Variants in IL4R observed in about 807,000 individuals in gnomAD.
The protein encoded by IL4R is interleukin 4 receptor.
Under a neutral mutation model 41.5 loss-of-function variants are expected in IL4R, and 17 were observed. The observed-to-expected ratio is 0.41, with a 90% CI of 0.28 to 0.61. The LOEUF is 0.61. IL4R is among the 20% of genes least tolerant of loss of function. The pLI is 0.31. For synonymous variants in IL4R, 402 were observed against 422.9 expected, an observed-to-expected ratio of 0.95 and a Z score of 0.61; for missense variants, 974 against 1,043.1, an observed-to-expected ratio of 0.93 and a Z score of 0.91.
chr16:27,353,464 A>T (rs1038515332), intron 7 of IL4R, among the ~76,000 whole-genome samples: 1 of 152,168 alleles, frequency 6.6e-6, no homozygotes, highest in African/African-American at 2.4e-5. Flanking sequence ...ATCTATAAAT[A>T]ATAAGTTCTA....
rs2086430774 is a variant in IL4R at position 27,364,500 on chromosome 16, C to G, written c.*670C>G. ...GCAGGGACAATTTGCTGCCAAACAC[C>G]CATGCCCAGCTGTATGGCTGGGGGC... On this transcript the variant is annotated 3_prime_UTR_variant, in exon 11 of 11. Coordinates refer to ENST00000395762, the MANE Select transcript of IL4R (RefSeq NM_000418.4). The G allele has an allele frequency of 6.6e-6, 1 of 152,204 alleles. No individual in the cohort carries two copies. Among genetic ancestry groups the G allele is most frequent in the Admixed American group, 6.5e-5 (1 of 15,272 alleles). The allele number at this position is 152,204 out of a possible 1,614,324, so 9.4% of individuals were successfully genotyped here. A position where few individuals can be genotyped will look rare whatever the true frequency, so the allele number is the denominator to read the frequency against.
At chr16:27,320,617 G>C (rs996354026) in intron 1 of IL4R, among the ~76,000 whole-genome samples, 1 of 152,220 alleles carries the variant, frequency 6.6e-6, no homozygotes, top group African/African-American at 2.4e-5. Flanking sequence ...GAGCTATCCA[G>C]CCCAAAGAGG....
At chr16:27,316,385 A>G (rs1191602046) in intron 1 of IL4R, among the ~76,000 whole-genome samples, 2 of 152,218 alleles carry the variant, frequency 1.3e-5, no homozygotes, top group East Asian at 3.9e-4. Flanking sequence ...AAACAAATAC[A>G]TAAATACATG....
At position 27,363,006 on chromosome 16, in the gene IL4R, C is replaced by T; in HGVS notation, c.1654C>T (p.Gln552Ter). The T allele has an allele frequency of 6.2e-7, 1 of 1,614,142 alleles. No individual in the cohort carries two copies. Among genetic ancestry groups the T allele is most frequent in the Non-Finnish European group, 8.5e-7 (1 of 1,180,036 alleles). Residue 552 changes from glutamine (Q) to a stop codon, truncating the protein, a stop_gained, in exon 11 of 11, where the codon CAG (glutamine) becomes TAG (stop). Coordinates refer to ENST00000395762, the MANE Select transcript of IL4R (RefSeq NM_000418.4). LOFTEE classifies it low-confidence loss of function (END_TRUNC). Reference sequence around the variant, plus strand: ...CCAACCTGAGCCAGAAACCTGGGAGCAGATCCTCCGCCGAAATGTCCTCCA... The same window carrying T: ...CCAACCTGAGCCAGAAACCTGGGAGTAGATCCTCCGCCGAAATGTCCTCCA... ...VPQPEPETWE[Q>*]ILRRNVLQHG...
At chr16:27,323,666 T>C (rs2084875437) in intron 1 of IL4R, among the ~76,000 whole-genome samples, 1 of 152,162 alleles carries the variant, frequency 6.6e-6, no homozygotes, top group Non-Finnish European at 1.5e-5. Flanking sequence ...CTTCTTTTTT[T>C]TTTTTTAGAG....
intron 5 of IL4R, among the ~76,000 whole-genome samples, chr16:27,346,225 A>C (rs1036449114): frequency 6.6e-6 from 1 of 152,212 alleles, no homozygotes; most frequent in South Asian, 2.1e-4. Context: ...ACCCTGTCTC[A>C]AAAAAGAAGA....
In IL4R at chr16:27,362,301, A is replaced by G; in HGVS notation, c.949A>G (p.Asn317Asp). 1.2e-6 allele frequency: 2 copies of G among 1,614,182 alleles called. No homozygotes were observed. Among genetic ancestry groups the G allele is most frequent in the Non-Finnish European group, 1.7e-6 (2 of 1,180,004 alleles). The change falls in exon 11 of 11, where the codon AAC becomes GAC. Residue 317 changes from asparagine to aspartate, a missense_variant. Around this residue, in one of 3 missense-constraint regions of IL4R, gnomAD observed 682 missense variants for 704.3 expected, o/e 0.97. Coordinates refer to ENST00000395762, the MANE Select transcript of IL4R (RefSeq NM_000418.4). ...TKLLPCFLEH[N>D]MKRDEDPHKA... ...GCTCTTGCCCTGTTTTCTGGAGCAC[A>G]ACATGAAAAGGGATGAAGATCCTCA...
Position 27,346,561 on chromosome 16 carries a change from C to T in IL4R, c.456C>T (p.Tyr152=). ...GCAACCCGTATCCCCCTGACAATTA[C>T]CTGTATAATCATCTCACCTATGCAG... is the stretch of plus-strand genomic sequence containing the variant. ...TWSNPYPPDN[Y]LYNHLTYAVN... is the part of the protein sequence containing the mutation. Residue 152 remains tyrosine (Y), a synonymous_variant, in exon 6 of 11, where the codon TAC becomes TAT. Coordinates refer to ENST00000395762, the MANE Select transcript of IL4R (RefSeq NM_000418.4). 1.9e-6 allele frequency: 3 copies of T among 1,614,162 alleles called. No individual in the cohort carries two copies. Among genetic ancestry groups the T allele is most frequent in the Non-Finnish European group, 2.5e-6 (3 of 1,179,996 alleles).
intron 3 of IL4R, among the ~76,000 whole-genome samples, chr16:27,340,677 G>C (rs866241982): frequency 6.6e-6 from 1 of 152,114 alleles, no homozygotes; most frequent in Non-Finnish European, 1.5e-5. Flanking sequence ...AACTGTGATC[G>C]CGCCACTCCA....
rs17548704 is a variant in IL4R at position 27,342,158 on chromosome 16, C to T, written c.108C>T (p.Ser36=). 20,593 of 1,614,190 alleles carry T rather than the reference C, an allele frequency of 0.013. 167 individuals carry two copies. Among genetic ancestry groups the T allele is most frequent in the Non-Finnish European group, 0.015 (17,277 of 1,180,016 alleles). Residue 36 remains serine, a synonymous_variant, in exon 4 of 11, where the codon TCC becomes TCT. Coordinates refer to ENST00000395762, the MANE Select transcript of IL4R (RefSeq NM_000418.4). The part of the protein sequence containing the change: ...MKVLQEPTCV[S]DYMSISTCEW... ...TCTTGCAGGAGCCCACCTGCGTCTC[C>T]GACTACATGAGCATCTCTACTTGCG...
chr16:27,344,365 A>G (rs1267524674), intron 4 of IL4R, among the ~76,000 whole-genome samples: 1 of 53,772 alleles, frequency 1.9e-5, no homozygotes, highest in Non-Finnish European at 3.5e-5. Flanking sequence ...ACAAATAACC[A>G]AAAAAAAAAA....
chr16:27,357,867 A>G (rs2086136899), intron 8 of IL4R, among the ~76,000 whole-genome samples: 1 of 151,202 alleles, frequency 6.6e-6, no homozygotes, highest in Non-Finnish European at 1.5e-5. Flanking sequence ...CCATGAATGA[A>G]TGACCTCATA....
chr16:27,348,885 C>G (rs575701948), intron 6 of IL4R, among the ~76,000 whole-genome samples: 2 of 151,998 alleles, frequency 1.3e-5, no homozygotes, highest in Non-Finnish European at 2.9e-5. Context: ...GCTAAAATGC[C>G]AGCCAGGTTT....
At chr16:27,347,501 C>T (rs909366799) in intron 6 of IL4R, among the ~76,000 whole-genome samples, 1 of 152,102 alleles carries the variant, frequency 6.6e-6, no homozygotes, top group Non-Finnish European at 1.5e-5. Flanking sequence ...AGTGGAGTTC[C>T]TTCTTAAGTA....
chr16:27,345,363 C>T lies in IL4R; in HGVS notation c.361+343C>T. 2.5e-6 allele frequency: 1 copy of T among 408,128 alleles called. No individual in the cohort carries two copies. The highest frequency in any genetic ancestry group is 4.8e-6 in the Non-Finnish European group (1 of 207,328). The allele number at this position is 408,128 out of a possible 1,614,324, so 25.3% of individuals were successfully genotyped here. A position where few individuals can be genotyped will look rare whatever the true frequency, so the allele number is the denominator to read the frequency against. ...TGGGAACATTCCTTCCATTCTGTGT[C>T]CACTGGTCAGCTGCTGCGGCTTTGG... On this transcript the variant is annotated intron_variant, in intron 5 of 10. Transcript: ENST00000395762. This position sits in a 1 kb window ranked among gnomAD's most constrained non-coding sequence, Gnocchi z 4.5.
chr16:27,328,071 G>A (rs1299034247), intron 1 of IL4R, among the ~76,000 whole-genome samples: 1 of 151,792 alleles, frequency 6.6e-6, no homozygotes, highest in Non-Finnish European at 1.5e-5. Flanking sequence ...TTAGCCAGGT[G>A]TGATGGCGTG....
At chr16:27,352,777 C>G (rs1023518602) in intron 7 of IL4R, 81 bp downstream of exon 7, 1 of 1,427,300 alleles carries the variant, frequency 7.0e-7, no homozygotes, top group African/African-American at 1.4e-5. Flanking sequence ...CTGGCTGAGT[C>G]TCTGGGCTTT....
intron 7 of IL4R, among the ~76,000 whole-genome samples, chr16:27,354,598 AGCCTTAGG>A (rs2085993559): frequency 6.6e-6 from 1 of 152,240 alleles, no homozygotes; most frequent in Non-Finnish European, 1.5e-5. Context: ...GATTGGCTCA[AGCCTTAGG>A]GTGGGCATGG....
intron 3 of IL4R, 46 bp from the exon 4 acceptor site, chr16:27,342,075 C>A (rs376961404): frequency 2.5e-6 from 4 of 1,603,130 alleles, no homozygotes; most frequent in African/African-American, 1.3e-5. Context: ...GTCCCCCTCA[C>A]GCATTGAGTT....
Sources: gnomAD v4.1 joint callset for allele counts (sites outside exome capture counted in the v4.1 genomes callset) on GRCh38, gnomAD v4.1.1 for gene constraint, gnomAD v4.1.1 regional missense constraint, Gnocchi (gnomAD v3.1) non-coding constraint, MANE v1.5 for transcripts, NCBI Gene and HGNC (gene_info 2026-07-23, HGNC 2026-07-21) for gene names.